Variants in CHADL observed in about 807,000 individuals in gnomAD.
CHADL encodes chondroadherin like.
In CHADL, 48 loss-of-function variants were observed where a neutral mutation model predicts 52.1. The ratio of observed to expected loss-of-function variants is 0.92; its 90% CI spans 0.73 to 1.17. The LOEUF (loss-of-function observed/expected upper bound fraction) is 1.17, where lower values mean the gene tolerates loss of function less well. Among genes scored for constraint, CHADL ranks in the 50% most tolerant of loss-of-function variants. CHADL has a pLI of 0.00. For synonymous variants in CHADL, 498 were observed against 511.2 expected, an observed-to-expected ratio of 0.97 and a Z score of 0.35; for missense variants, 977 against 1,035.1, an observed-to-expected ratio of 0.94 and a Z score of 0.77.
chr22:41,229,721 CCTT>C lies in CHADL; in HGVS notation c.2269_2271del (p.Lys757del). ...CTCCGTGCTCAGAGACGACCCTTCT[CCTT>C]CCCCACCTGGGCACAGAAGAGTAGA... On this transcript the variant is annotated inframe_deletion, in exon 6 of 6. Coordinates refer to ENST00000216241, the MANE Select transcript of CHADL (RefSeq NM_138481.2). The C allele has an allele frequency of 1.2e-6, 2 of 1,611,884 alleles. No homozygotes were observed. Among genetic ancestry groups the C allele is most frequent in the East Asian group, 4.5e-5 (2 of 44,832 alleles).
At position 41,229,705 on chromosome 22, in the gene CHADL, C is replaced by CA. The variant is rs777847637; in HGVS notation, c.2287dup (p.Ter763LeufsTer45). The CA allele has an allele frequency of 1.2e-4, 195 of 1,612,514 alleles. No individual in the cohort carries two copies. Among genetic ancestry groups the CA allele is most frequent in the Non-Finnish European group, 1.6e-4 (192 of 1,179,958 alleles). ...AGGCAGGACCAGCCTGCTCCGTGCT[C>CA]AGAGACGACCCTTCTCCTTCCCCAC... On this transcript the variant is annotated frameshift_variant and stop_lost, in exon 6 of 6. Coordinates refer to ENST00000216241, the MANE Select transcript of CHADL (RefSeq NM_138481.2). LOFTEE classifies it high-confidence loss of function.
Position 41,238,850 on chromosome 22 carries a change from C to A in CHADL, c.222G>T (p.Leu74=), listed in dbSNP as rs1170912564. 1.3e-6 allele frequency: 2 copies of A among 1,543,592 alleles called. No homozygotes were observed. The highest frequency in any genetic ancestry group is 1.4e-5 in the African/African-American group (1 of 72,932). The change falls in exon 3 of 6, where the codon CTG becomes CTT. Residue 74 remains leucine (L), a synonymous_variant. Transcript: ENST00000216241. The surrounding 1 kb of genome is among the most constrained non-coding windows in gnomAD (Gnocchi z 4.9). The part of the protein sequence containing the change: ...TQRLDLQGNL[L]KVIPAAAFQG... ...GGAAGGCGGCTGCGGGGATCACCTT[C>A]AGCAAATTGCCCTGCAGGTCCAGCC... is the stretch of plus-strand genomic sequence containing the variant.
intron 5 of CHADL, among the ~76,000 whole-genome samples, chr22:41,231,497 G>T (rs1377025920): frequency 6.6e-6 from 1 of 152,232 alleles, no homozygotes; most frequent in Non-Finnish European, 1.5e-5. Flanking sequence ...GATGGAGCCT[G>T]TGTCCGCCTG....
chr22:41,240,776 C>G, intron 1 of CHADL, 98 bp downstream of exon 1: 2 of 1,441,300 alleles, frequency 1.4e-6, no homozygotes, highest in Non-Finnish European at 1.9e-6. Flanking sequence ...AGAGCCCCTG[C>G]CCGCCAGCCT....
intron 1 of CHADL, 103 bp downstream of exon 1, chr22:41,240,761 TCCCCAGAGCC>T: frequency 7.7e-7 from 1 of 1,299,688 alleles, no homozygotes; most frequent in African/African-American, 1.5e-5. Context: ...CCCCAGGAAG[TCCCCAGAGCC>T]CCTGCCCGCC....
rs1555923436 is a variant in CHADL, at chr22:41,234,398, A to ATTATTATTATTG, written c.2262+746_2262+747insCAATAATAATAA. On this transcript the variant is annotated intron_variant, in intron 5 of 5. Transcript: ENST00000216241. ...TATTATTATTATTATTATTATTATT[A>ATTATTATTATTG]TTGAGACGGAGTCTCACCCTGTCGC... Among the ~76,000 whole-genome samples, 4 of 148,578 alleles carry ATTATTATTATTG rather than the reference A, an allele frequency of 2.7e-5. No homozygotes were observed. In the South Asian group the frequency reaches 8.4e-4, roughly 31 times the overall value.
Position 41,237,802 on chromosome 22 carries a change from G to T in CHADL, c.1270C>A (p.Pro424Thr). Residue 424 changes from proline (P) to threonine (T), a missense_variant, in exon 3 of 6, where the codon CCC becomes ACC. Physicochemically the swap from Pro to Thr is conservative, Grantham distance 38. Coordinates refer to ENST00000216241, the MANE Select transcript of CHADL (RefSeq NM_138481.2). The stretch of plus-strand genomic sequence containing the variant: ...AGGTCCAGGAGCTGGGTGTCGCTGG[G>T]GAAGCCGCGGGGCACCGCCTGCAGG... The part of the protein sequence containing the change: ...CGLQAVPRGF[P>T]SDTQLLDLRR... 6.7e-7 allele frequency: 1 copy of T among 1,498,558 alleles called. No homozygotes were observed. The allele number at this position is 1,498,558 out of a possible 1,614,324, so 92.8% of individuals were successfully genotyped here.
intron 5 of CHADL, among the ~76,000 whole-genome samples, chr22:41,231,771 C>G (rs5751069): frequency 0.37 from 56,315 of 151,964 alleles, 11,236 homozygotes; most frequent in African/African-American, 0.51. Context: ...GCTTCTGCCT[C>G]AGGACCCACA....
Position 41,238,279 on chromosome 22 carries a change from C to T in CHADL, c.793G>A (p.Ala265Thr). Reference protein sequence around the residue: ...GLRELLLDGGALQALGPRAFA... With the variant: ...GLRELLLDGGTLQALGPRAFA... ...GCCCTGGGACCCAGGGCCTGCAGGG[C>T]CCCGCCGTCCAGCAGCAGCTCCCGC... Residue 265 changes from alanine to threonine, a missense_variant, in exon 3 of 6, where the codon GCC (alanine) becomes ACC (threonine). Ala to Thr is a moderately conservative substitution (Grantham distance 58, BLOSUM62 0). Transcript: ENST00000216241. This position sits in a 1 kb window ranked among gnomAD's most constrained non-coding sequence, Gnocchi z 4.9. 6.5e-7 allele frequency: 1 copy of T among 1,529,610 alleles called. No homozygotes were observed. The highest frequency in any genetic ancestry group is 2.5e-5 in the East Asian group (1 of 40,596). 94.8% of individuals were successfully genotyped at this position (1,529,610 alleles called of 1,614,324 possible).
At chr22:41,230,143 T>C (rs2032496110) in intron 5 of CHADL, 2 of 1,407,242 alleles carry the variant, frequency 1.4e-6, no homozygotes, top group African/African-American at 1.5e-5. Context: ...CTTCAGTCAT[T>C]GCTGTGCGTG....
intron 2 of CHADL, 85 bp downstream of exon 2, chr22:41,239,358 C>CA: frequency 7.7e-7 from 1 of 1,290,500 alleles, no homozygotes; most frequent in Non-Finnish European, 1.1e-6. Flanking sequence ...GGTGGCAGAT[C>CA]AACTGGTGCC....
At chr22:41,234,966 G>T (rs1349720519) in intron 5 of CHADL, among the ~76,000 whole-genome samples, 179 bp downstream of exon 5, 1 of 152,226 alleles carries the variant, frequency 6.6e-6, no homozygotes, top group African/African-American at 2.4e-5. Flanking sequence ...TGGGATTACA[G>T]GCGTGAGCCA....
chr22:41,232,719 G>A (rs537552608), intron 5 of CHADL, among the ~76,000 whole-genome samples: 7 of 152,146 alleles, frequency 4.6e-5, no homozygotes, highest in Non-Finnish European at 1.0e-4. Context: ...GTGTGTAGGG[G>A]TGGGGACCCG....
chr22:41,235,443 C>T, intron 4 of CHADL, 100 bp from the exon 5 acceptor site: 1 of 877,002 alleles, frequency 1.1e-6, no homozygotes. Flanking sequence ...GTGCAGAAGG[C>T]AGCACAAGGC....
chr22:41,231,179 T>C (rs986224171), intron 5 of CHADL: 16 of 152,180 alleles, frequency 1.1e-4, no homozygotes, highest in African/African-American at 3.9e-4. Context: ...AAGACAAGGA[T>C]GACAGAGCTG....
chr22:41,239,529 G>A lies in CHADL; in HGVS notation c.100C>T (p.Pro34Ser). Residue 34 changes from proline to serine, a missense_variant, in exon 2 of 6, where the codon CCA (proline) becomes TCA (serine). Transcript: ENST00000216241. ...GAGTTGTCACAGATGCAGGCCTGTGGGCAGCGCTGGGCGGCGGCCTGCCTA... is the reference window on the plus strand; with the variant it reads ...GAGTTGTCACAGATGCAGGCCTGTGAGCAGCGCTGGGCGGCGGCCTGCCTA... ...PARQAAAQRC[P>S]QACICDNSRR... 6 of 1,549,308 alleles carry A rather than the reference G, an allele frequency of 3.9e-6. No individual in the cohort carries two copies. The highest frequency in any genetic ancestry group is 5.2e-6 in the Non-Finnish European group (6 of 1,146,480).
intron 5 of CHADL, 126 bp from the exon 6 acceptor site, chr22:41,229,856 A>T: frequency 1.1e-6 from 1 of 909,418 alleles, no homozygotes; most frequent in South Asian, 1.4e-5. Context: ...GTCCCCCTCT[A>T]GCCCGGCCCC....
At chr22:41,231,855 C>T (rs901831469) in intron 5 of CHADL, among the ~76,000 whole-genome samples, 1 of 152,142 alleles carries the variant, frequency 6.6e-6, no homozygotes, top group Admixed American at 6.5e-5. Flanking sequence ...CCTTTATGGC[C>T]ATCCAGTCTA....
chr22:41,233,431 C>T (rs2032672209), intron 5 of CHADL, among the ~76,000 whole-genome samples: 1 of 152,006 alleles, frequency 6.6e-6, no homozygotes, highest in Admixed American at 6.6e-5. Context: ...CATTGCACTC[C>T]AGCCTGGGCA....
Sources: gnomAD v4.1 joint callset for allele counts (sites outside exome capture counted in the v4.1 genomes callset) on GRCh38, gnomAD v4.1.1 for gene constraint, Gnocchi (gnomAD v3.1) non-coding constraint, MANE v1.5 for transcripts, NCBI Gene and HGNC (gene_info 2026-07-23, HGNC 2026-07-21) for gene names.